MAD1L1: variants seen among roughly 807,000 people sequenced by gnomAD.
MAD1L1 encodes the protein mitotic arrest deficient 1 like 1.
In MAD1L1, 95 loss-of-function variants were observed where a neutral mutation model predicts 96.9. The ratio of observed to expected loss-of-function variants is 0.98; its 90% CI spans 0.83 to 1.16. The LOEUF (loss-of-function observed/expected upper bound fraction) is 1.16, where lower values mean the gene tolerates loss of function less well. Ranked by LOEUF, MAD1L1 falls within the 50% of genes most tolerant of loss-of-function variation. The pLI, the probability that MAD1L1 is intolerant of heterozygous loss-of-function variation, is 0.00. For synonymous variants in MAD1L1, 473 were observed against 396.6 expected, an observed-to-expected ratio of 1.19 and a Z score of -2.29; for missense variants, 1,007 against 954.4, an observed-to-expected ratio of 1.06 and a Z score of -0.73.
intron 5 of MAD1L1, chr7:2,220,853 C>T: frequency 2.5e-6 from 4 of 1,585,822 alleles, no homozygotes; most frequent in Non-Finnish European, 3.4e-6. Context: ...CACATCCTCC[C>T]AGAGGTCTTC....
chr7:2,125,084 AG>A (rs1562710465), intron 11 of MAD1L1, among the ~76,000 whole-genome samples: 2 of 152,202 alleles, frequency 1.3e-5, no homozygotes. Context: ...CAGCGACCCC[AG>A]GAAGTCCCTG....
chr7:1,907,293 C>T (rs545422882), intron 17 of MAD1L1, among the ~76,000 whole-genome samples: 98 of 152,370 alleles, frequency 6.4e-4, no homozygotes, highest in Admixed American at 9.1e-4. Flanking sequence ...CAGCTGCCAC[C>T]GAGGACCCCA....
intron 17 of MAD1L1, among the ~76,000 whole-genome samples, chr7:1,915,669 G>A (rs561771952): frequency 5.3e-4 from 80 of 152,336 alleles, no homozygotes; most frequent in African/African-American, 1.7e-3. Flanking sequence ...AATGTTCAGC[G>A]TTGAGTGCTT....
intron 12 of MAD1L1, among the ~76,000 whole-genome samples, chr7:2,017,058 C>T (rs535021987): frequency 6.6e-6 from 1 of 152,360 alleles, no homozygotes; most frequent in East Asian, 1.9e-4. Context: ...AGCCTAACTC[C>T]AGGCTAGCAC....
intron 10 of MAD1L1, among the ~76,000 whole-genome samples, chr7:2,190,781 A>T (rs1341759096): frequency 1.3e-5 from 2 of 152,238 alleles, no homozygotes; most frequent in Non-Finnish European, 2.9e-5. Context: ...GGATGGCTAA[A>T]GTGAAGGTGG....
At chr7:2,001,946 G>T in intron 14 of MAD1L1, 119 bp downstream of exon 14, 2 of 1,043,616 alleles carry the variant, frequency 1.9e-6, no homozygotes, top group Non-Finnish European at 1.5e-6. Context: ...AGCTTCCGAC[G>T]ACAGAAGAGG....
At chr7:2,030,361 C>T (rs1289062620) in intron 12 of MAD1L1, among the ~76,000 whole-genome samples, 5 of 152,282 alleles carry the variant, frequency 3.3e-5, no homozygotes, top group East Asian at 1.9e-4. Flanking sequence ...AATTAGAGGG[C>T]GATTGTAACA....
chr7:2,122,423 T>G lies in MAD1L1; in HGVS notation c.1073+26729A>C, dbSNP rs937413908. ...CAGGCAGATCACCTGAGGTTGGGAG[T>G]TCGAGACCAGCCTAACACGGACAAA... On this transcript the variant is annotated intron_variant, in intron 11 of 18. Transcript: ENST00000265854. Among the ~76,000 whole-genome samples the G allele has an allele frequency of 5.9e-5, 9 of 151,714 alleles. No homozygotes were observed. The South Asian group carries it at 1.5e-3, about 25-fold the overall frequency.
chr7:2,004,357 T>G (rs1300996850), intron 13 of MAD1L1, among the ~76,000 whole-genome samples: 1 of 152,204 alleles, frequency 6.6e-6, no homozygotes, highest in South Asian at 2.1e-4. Flanking sequence ...CGGCACACTG[T>G]CCTGGGCACA....
chr7:2,017,987 G>A (rs756148455), intron 12 of MAD1L1, among the ~76,000 whole-genome samples: 4 of 152,066 alleles, frequency 2.6e-5, no homozygotes, highest in African/African-American at 7.2e-5. Context: ...CCAGGGCTGC[G>A]GGTGGTGAGA....
intron 11 of MAD1L1, among the ~76,000 whole-genome samples, chr7:2,111,219 T>C (rs1787363387): frequency 1.3e-5 from 2 of 152,180 alleles, no homozygotes; most frequent in African/African-American, 2.4e-5. Flanking sequence ...GCGGTCTGTG[T>C]GATCGTCCCA....
chr7:2,001,701 C>T (rs532600788), intron 14 of MAD1L1, among the ~76,000 whole-genome samples: 2 of 152,388 alleles, frequency 1.3e-5, no homozygotes, highest in East Asian at 1.9e-4. Context: ...GTGGTCGGGA[C>T]AGGGGTCCAT....
chr7:2,219,491 A>AGTGGAGCCCGTGC, intron 5 of MAD1L1, 35 bp from the exon 6 acceptor site: 1 of 1,605,618 alleles, frequency 6.2e-7, no homozygotes, highest in Non-Finnish European at 8.5e-7. Flanking sequence ...CCGCTCAGTG[A>AGTGGAGCCCGTGC]GTGGAGCCCG....
intron 11 of MAD1L1, among the ~76,000 whole-genome samples, chr7:2,081,273 TTGCCACACTGGG>T (rs1785631884): frequency 6.6e-6 from 1 of 151,842 alleles, no homozygotes; most frequent in African/African-American, 2.4e-5. Flanking sequence ...GGGGCCAGGG[TTGCCACACTGGG>T]CTCCTTGCCC....
rs545955404 is a variant in MAD1L1, at chr7:2,003,996, G to A, written c.1360-1875C>T. ...GGGCCTAGACACAACGCACTTCACC[G>A]AGCTGCAGCCCTGGGCACTCCCGGG... On this transcript the variant is annotated intron_variant, in intron 13 of 18. Transcript: ENST00000265854. Among the ~76,000 whole-genome samples, 10 of 152,306 alleles carry A rather than the reference G, an allele frequency of 6.6e-5. No individual in the cohort carries two copies. The South Asian group carries it at 1.7e-3, about 25-fold the overall frequency.
intron 18 of MAD1L1, among the ~76,000 whole-genome samples, chr7:1,869,871 C>T (rs375835140): frequency 1.3e-3 from 205 of 152,316 alleles, no homozygotes; most frequent in African/African-American, 4.7e-3. Flanking sequence ...GGTCCAGCTG[C>T]TGACGGAGGA....
At chr7:1,954,633 C>T (rs1217725729) in intron 16 of MAD1L1, among the ~76,000 whole-genome samples, 8 of 152,320 alleles carry the variant, frequency 5.3e-5, no homozygotes, top group East Asian at 3.9e-4. Flanking sequence ...TGGAGTTCCA[C>T]GGGGTCCGCC....
intron 10 of MAD1L1, among the ~76,000 whole-genome samples, chr7:2,164,995 G>C (rs1790354773): frequency 6.6e-6 from 1 of 152,176 alleles, no homozygotes; most frequent in Non-Finnish European, 1.5e-5. Flanking sequence ...AAGGGCTCTA[G>C]CTAGGGAAAG....
intron 15 of MAD1L1, among the ~76,000 whole-genome samples, chr7:1,961,652 T>C (rs1779953841): frequency 6.6e-6 from 1 of 152,202 alleles, no homozygotes; most frequent in Non-Finnish European, 1.5e-5. Context: ...CAGCCAAAGA[T>C]TTCTTAGCTA....
Sources: allele counts gnomAD v4.1 joint callset (sites outside exome capture counted in the v4.1 genomes callset), GRCh38; gene constraint gnomAD v4.1.1; transcripts MANE v1.5; gene names NCBI Gene and HGNC (gene_info 2026-07-23, HGNC 2026-07-21).